Variants in CSMD2 observed in about 807,000 individuals in gnomAD.
CSMD2 encodes CUB and sushi domain-containing protein 2.
In CSMD2, 130 loss-of-function variants were observed where a neutral mutation model predicts 398.5. The observed-to-expected ratio is 0.33, with a 90% CI of 0.28 to 0.38. The LOEUF is 0.38. Ranked by LOEUF, CSMD2 falls within the 10% of genes least tolerant of loss-of-function variation. The pLI is 1.00. For missense variants in CSMD2, 3,829 were observed against 4,764.9 expected (o/e 0.80, Z 5.78); for synonymous variants, 1,828 against 1,908.5 (o/e 0.96, Z 1.10).
At position 33,636,374 on chromosome 1, in the gene CSMD2, C is replaced by T. The variant is rs79254919; in HGVS notation, c.4955G>A (p.Arg1652Gln). The T allele has an allele frequency of 6.8e-5, 110 of 1,609,452 alleles. No homozygotes were observed. In the East Asian group the frequency reaches 1.1e-3, roughly 17 times the overall value. Reference sequence around the variant, plus strand: ...GCTTCCACCACCTGTGCAGACTGGCCGGGGATTGTTCCACACGGGCTTCCC... The same window carrying T: ...GCTTCCACCACCTGTGCAGACTGGCTGGGGATTGTTCCACACGGGCTTCCC... ...PDGKPVWNNP[R>Q]PVCTAPCGGQ... Residue 1652 changes from arginine (R) to glutamine (Q), a missense_variant, in exon 30 of 71, where the codon CGG (arginine) becomes CAG (glutamine). Physicochemically the swap from Arg to Gln is conservative, Grantham distance 43 (BLOSUM62 1). Coordinates refer to ENST00000373381, the MANE Select transcript of CSMD2 (RefSeq NM_001281956.2). The surrounding 1 kb of genome is among the most constrained non-coding windows in gnomAD (Gnocchi z 4.8).
chr1:33,771,844 G>T (rs956535076), intron 13 of CSMD2, among the ~76,000 whole-genome samples: 1 of 152,202 alleles, frequency 6.6e-6, no homozygotes, highest in Non-Finnish European at 1.5e-5. Flanking sequence ...AGAGAAGCTG[G>T]AAATTTTGAT....
chr1:33,698,040 C>T (rs879943925), intron 24 of CSMD2, among the ~76,000 whole-genome samples: 5 of 152,098 alleles, frequency 3.3e-5, no homozygotes, highest in African/African-American at 7.2e-5. Context: ...GGAGGCAGGA[C>T]GAAGCAGTAT....
At chr1:33,700,789 G>T in intron 22 of CSMD2, 116 bp from the exon 23 acceptor site, 2 of 957,284 alleles carry the variant, frequency 2.1e-6, no homozygotes, top group African/African-American at 1.6e-5. Context: ...AACTATCAGA[G>T]GCACAGTGAG....
chr1:33,639,275 T>C (rs1485998235), intron 29 of CSMD2, among the ~76,000 whole-genome samples: 2 of 152,222 alleles, frequency 1.3e-5, no homozygotes, highest in East Asian at 1.9e-4. Context: ...AGATTTCTTT[T>C]ATAGGAAGTC....
At chr1:33,933,674 T>C (rs574339705) in intron 4 of CSMD2, among the ~76,000 whole-genome samples, 2 of 152,318 alleles carry the variant, frequency 1.3e-5, no homozygotes, top group South Asian at 2.1e-4. Flanking sequence ...GCTTTCAGGC[T>C]GTGGTTAGGC....
At chr1:33,689,186 C>G (rs1645154877) in intron 25 of CSMD2, among the ~76,000 whole-genome samples, 1 of 151,994 alleles carries the variant, frequency 6.6e-6, no homozygotes, top group African/African-American at 2.4e-5. Context: ...CGTGTGCATG[C>G]TATGCATACT....
intron 7 of CSMD2, among the ~76,000 whole-genome samples, chr1:33,821,485 G>C (rs7525093): frequency 6.6e-6 from 1 of 152,084 alleles, no homozygotes; most frequent in African/African-American, 2.4e-5. Context: ...CCAATCCCAT[G>C]ACCCCAACAG....
In CSMD2 at chr1:33,624,640, G is replaced by A. The variant is rs1225518099; in HGVS notation, c.5504C>T (p.Pro1835Leu). The A allele has an allele frequency of 2.5e-6, 4 of 1,611,936 alleles. No individual in the cohort carries two copies. The highest frequency in any genetic ancestry group is 1.3e-5 in the African/African-American group (1 of 74,866). The change falls in exon 35 of 71, where the codon CCG becomes CTG. Residue 1835 changes from proline to leucine, a missense_variant. Physicochemically the swap from Pro to Leu is moderately conservative, Grantham distance 98. Coordinates refer to ENST00000373381, the MANE Select transcript of CSMD2 (RefSeq NM_001281956.2). The surrounding 1 kb of genome is among the most constrained non-coding windows in gnomAD (Gnocchi z 4.7). ...GCGCTCTGTGAGGTTGCCTCCACAC[G>A]GCACTGGGAGGAGAGGCCATCGGGT... Reference protein sequence around the residue: ...WNVSAPTCVVPCGGNLTERRG... With the variant: ...WNVSAPTCVVLCGGNLTERRG...
chr1:33,933,337 G>A (rs779132058), intron 4 of CSMD2, among the ~76,000 whole-genome samples: 6 of 152,106 alleles, frequency 3.9e-5, no homozygotes, highest in Non-Finnish European at 8.8e-5. Flanking sequence ...GAGGGTTAGT[G>A]GATTTCCACC....
At chr1:33,859,231 G>T (rs1482409366) in intron 5 of CSMD2, among the ~76,000 whole-genome samples, 2 of 152,220 alleles carry the variant, frequency 1.3e-5, no homozygotes, top group African/African-American at 2.4e-5. Flanking sequence ...CAAGATCAAG[G>T]TGTGGGGAGG....
chr1:34,110,160 C>T (rs1660928515), intron 1 of CSMD2, among the ~76,000 whole-genome samples: 1 of 151,404 alleles, frequency 6.6e-6, no homozygotes, highest in South Asian at 2.1e-4. Flanking sequence ...TCTTACAGCA[C>T]CCAGAATGGC....
intron 3 of CSMD2, among the ~76,000 whole-genome samples, chr1:33,937,687 G>C (rs1257757502): frequency 6.6e-6 from 1 of 152,176 alleles, no homozygotes; most frequent in East Asian, 1.9e-4. Context: ...GCCTGATCTG[G>C]GTGTGAAACC....
At chr1:33,858,619 C>G (rs1639266357) in intron 5 of CSMD2, among the ~76,000 whole-genome samples, 1 of 152,194 alleles carries the variant, frequency 6.6e-6, no homozygotes, top group African/African-American at 2.4e-5. Flanking sequence ...TTAACAGTTC[C>G]TGGCACGAGG....
intron 1 of CSMD2, among the ~76,000 whole-genome samples, chr1:34,130,320 C>A (rs531240597): frequency 1.5e-5 from 2 of 136,426 alleles, no homozygotes; most frequent in Non-Finnish European, 3.0e-5. Context: ...AGGGTAAGAG[C>A]GAACTGTTTG....
chr1:33,704,922 C>T (rs544137001), intron 22 of CSMD2, among the ~76,000 whole-genome samples: 1 of 151,492 alleles, frequency 6.6e-6, no homozygotes, highest in Admixed American at 6.6e-5. Flanking sequence ...GCCATCACGT[C>T]CCGCTAATTT....
In CSMD2 at chr1:34,165,213, A is replaced by G. The variant is rs900601389; in HGVS notation, c.-116T>C. On this transcript the variant is annotated 5_prime_UTR_variant, in exon 1 of 71. Coordinates refer to ENST00000373381, the MANE Select transcript of CSMD2 (RefSeq NM_001281956.2). ...AAAATCCCGGTACGCGGGAGCCCTGAGCTTCTGCGGCTGGAATGAACCAAG... is the reference window on the plus strand; with the variant it reads ...AAAATCCCGGTACGCGGGAGCCCTGGGCTTCTGCGGCTGGAATGAACCAAG... 3 of 1,166,612 alleles carry G rather than the reference A, an allele frequency of 2.6e-6. No homozygotes were observed. Among genetic ancestry groups the G allele is most frequent in the African/African-American group, 1.6e-5 (1 of 61,856 alleles). The allele number at this position is 1,166,612 out of a possible 1,614,324, so 72.3% of individuals were successfully genotyped here.
intron 1 of CSMD2, among the ~76,000 whole-genome samples, chr1:34,099,793 C>T (rs1487800919): frequency 6.6e-6 from 1 of 152,190 alleles, no homozygotes; most frequent in Non-Finnish European, 1.5e-5. Flanking sequence ...GGAAGCAATG[C>T]TGAGAGCTGG....
intron 5 of CSMD2, chr1:33,864,556 A>T (rs777407060): frequency 1.9e-6 from 3 of 1,614,064 alleles, no homozygotes; most frequent in Non-Finnish European, 2.5e-6. Context: ...TCGGTGGTGC[A>T]GGTGGCCAAG....
intron 57 of CSMD2, among the ~76,000 whole-genome samples, chr1:33,544,666 CA>C (rs1466921703): frequency 2.6e-5 from 4 of 151,590 alleles, no homozygotes; most frequent in Non-Finnish European, 4.4e-5. Context: ...AAGGGTGAGT[CA>C]GGGGAGGGGG....
Sources: allele counts gnomAD v4.1 joint callset (sites outside exome capture counted in the v4.1 genomes callset), GRCh38; gene constraint gnomAD v4.1.1; non-coding constraint Gnocchi (gnomAD v3.1); transcripts MANE v1.5; gene names NCBI Gene and HGNC (gene_info 2026-07-23, HGNC 2026-07-21).